The following NCOR1 variants were observed in gnomAD, a reference collection of about 807,000 sequenced individuals.
NCOR1 encodes the protein nuclear receptor corepressor 1, also known as protein phosphatase 1, regulatory subunit 109.
Under a neutral mutation model 288.1 loss-of-function variants are expected in NCOR1, and 63 were observed. The ratio of observed to expected loss-of-function variants is 0.22; its 90% CI spans 0.18 to 0.27. The LOEUF is 0.27. Ranked by LOEUF, NCOR1 falls within the 10% of genes least tolerant of loss-of-function variation. The probability of loss-of-function intolerance (pLI) is 1.00; values close to 1 mark genes in which losing one functional copy is unlikely to be tolerated. For missense variants in NCOR1, 2,397 were observed against 3,019.2 expected (o/e 0.79, Z 4.83); for synonymous variants, 1,007 against 1,065.9 (o/e 0.94, Z 1.08).
chr17:16,091,884 T>A lies in NCOR1; in HGVS notation c.2995A>T (p.Ser999Cys). 1 of 1,614,188 alleles carries A rather than the reference T, an allele frequency of 6.2e-7. No individual in the cohort carries two copies. Among genetic ancestry groups the A allele is most frequent in the African/African-American group, 1.3e-5 (1 of 75,056 alleles). ...CTACCTTCCCACTCTCTGTTTGGAC[T>A]CTTGGATGTGCCACATGGACTTGTA... ...SSTSPCGTSK[S>C]PNREWEVLQP... The change falls in exon 22 of 46, where the codon AGT becomes TGT. Residue 999 changes from serine to cysteine, a missense_variant. Coordinates refer to ENST00000268712, the MANE Select transcript of NCOR1 (RefSeq NM_006311.4).
intron 9 of NCOR1, among the ~76,000 whole-genome samples, 187 bp downstream of exon 9, chr17:16,149,264 C>CA (rs2078492094): frequency 6.9e-6 from 1 of 144,264 alleles, no homozygotes; most frequent in South Asian, 2.2e-4. Flanking sequence ...GGTATGGTAT[C>CA]AAAATGTTAC....
At chr17:16,112,915 T>A (rs1378138098) in intron 18 of NCOR1, among the ~76,000 whole-genome samples, 1 of 152,126 alleles carries the variant, frequency 6.6e-6, no homozygotes, top group Non-Finnish European at 1.5e-5. Flanking sequence ...AATTATTATT[T>A]ATTTATTTAT....
In NCOR1 at chr17:16,172,453, T is replaced by A. The variant is rs188133336; in HGVS notation, c.243-458A>T. Among the ~76,000 whole-genome samples the A allele has an allele frequency of 2.0e-4, 30 of 152,218 alleles. 1 individual carries two copies. Among genetic ancestry groups the A allele is most frequent in the African/African-American group, 7.0e-4 (29 of 41,532 alleles). On this transcript the variant is annotated intron_variant, in intron 3 of 45. Transcript: ENST00000268712. ...CAGAAAGTTTAGTTGCTGAAGAATATCTATAAACTAATATTTTTAAATGTT... is the reference window on the plus strand; with the variant it reads ...CAGAAAGTTTAGTTGCTGAAGAATAACTATAAACTAATATTTTTAAATGTT...
In NCOR1 at chr17:16,040,434, A is replaced by G. The variant is rs780267828; in HGVS notation, c.6733+7T>C. 2.5e-6 allele frequency: 4 copies of G among 1,613,026 alleles called. No homozygotes were observed. Among genetic ancestry groups the G allele is most frequent in the East Asian group, 2.2e-5 (1 of 44,866 alleles). On this transcript the variant is annotated splice_region_variant and intron_variant, in intron 43 of 45. Transcript: ENST00000268712. Reference sequence around the variant, plus strand: ...TGTATTGGTAAATAATGTCTTTTCAATCTTACCTGACGTAGTAACTGCTGG... The same window carrying G: ...TGTATTGGTAAATAATGTCTTTTCAGTCTTACCTGACGTAGTAACTGCTGG...
chr17:16,058,222 C>T, intron 38 of NCOR1, 158 bp from the exon 39 acceptor site: 1 of 932,404 alleles, frequency 1.1e-6, no homozygotes, highest in Non-Finnish European at 1.5e-6. Context: ...AAATTATTCA[C>T]TGAAGAAGTC....
At chr17:16,189,474 A>G (rs763280543) in intron 2 of NCOR1, among the ~76,000 whole-genome samples, 2 of 152,210 alleles carry the variant, frequency 1.3e-5, no homozygotes, top group Non-Finnish European at 2.9e-5. Context: ...TTGAACACAC[A>G]GAAGTGAAAA....
intron 40 of NCOR1, among the ~76,000 whole-genome samples, chr17:16,051,386 A>C (rs2059292111): frequency 6.6e-6 from 1 of 152,208 alleles, no homozygotes; most frequent in Non-Finnish European, 1.5e-5. Flanking sequence ...ATAGAAATTC[A>C]ATAACCTGCT....
At chr17:16,170,616 C>G (rs1305417828) in intron 4 of NCOR1, among the ~76,000 whole-genome samples, 5 of 151,868 alleles carry the variant, frequency 3.3e-5, no homozygotes, top group African/African-American at 1.2e-4. Context: ...GGGCAGATCA[C>G]GAGGTCAGGA....
chr17:16,065,235 A>C (rs3815038), intron 33 of NCOR1, among the ~76,000 whole-genome samples: 65,418 of 152,082 alleles, frequency 0.43, 15,702 homozygotes, highest in Middle Eastern at 0.56. Flanking sequence ...GGGCAGATTA[A>C]AGAGAGCAAA....
intron 1 of NCOR1, among the ~76,000 whole-genome samples, chr17:16,207,241 C>T (rs1406985390): frequency 2.6e-5 from 4 of 152,136 alleles, no homozygotes; most frequent in Non-Finnish European, 2.9e-5. Flanking sequence ...CTACTTAAAA[C>T]AAACATTTTC....
chr17:16,060,173 T>C lies in NCOR1; in HGVS notation c.5881+1228A>G, dbSNP rs548911555. ...AACTGAAAACCACACTGAAGAACTG[T>C]ACATAGCCTTTGGACATCATGGAAT... On this transcript the variant is annotated intron_variant, in intron 37 of 45. Coordinates refer to ENST00000268712, the MANE Select transcript of NCOR1 (RefSeq NM_006311.4). Among the ~76,000 whole-genome samples the C allele has an allele frequency of 6.6e-5, 10 of 152,298 alleles. No homozygotes were observed. In the South Asian group the frequency reaches 1.4e-3, roughly 22 times the overall value.
intron 18 of NCOR1, among the ~76,000 whole-genome samples, chr17:16,113,221 T>C (rs972656893): frequency 6.6e-6 from 1 of 151,854 alleles, no homozygotes; most frequent in Non-Finnish European, 1.5e-5. Flanking sequence ...GGCCAAGAAT[T>C]TATTTTTTTA....
At chr17:16,049,250 G>A (rs557086908) in intron 40 of NCOR1, 5 of 244,078 alleles carry the variant, frequency 2.0e-5, no homozygotes, top group Non-Finnish European at 2.3e-5. Flanking sequence ...AGTGCTGCCC[G>A]GGCAGCAGCA....
At chr17:16,175,375 A>G (rs908830408) in intron 3 of NCOR1, among the ~76,000 whole-genome samples, 1 of 144,816 alleles carries the variant, frequency 6.9e-6, no homozygotes, top group East Asian at 2.0e-4. Context: ...TTTGTCTTTT[A>G]AAAAAAAAAA....
chr17:16,142,581 T>C (rs1179188478), intron 11 of NCOR1, among the ~76,000 whole-genome samples: 2 of 152,188 alleles, frequency 1.3e-5, no homozygotes, highest in Non-Finnish European at 2.9e-5. Context: ...TATTTATTAA[T>C]ATCCAATTAA....
intron 21 of NCOR1, among the ~76,000 whole-genome samples, chr17:16,096,054 T>G (rs1374880803): frequency 6.6e-6 from 1 of 152,166 alleles, no homozygotes. Context: ...CTGAAACATG[T>G]GCTGTGTCCA....
chr17:16,120,926 T>G (rs756508590), intron 16 of NCOR1, 126 bp downstream of exon 16: 17 of 866,320 alleles, frequency 2.0e-5, no homozygotes, highest in Non-Finnish European at 2.6e-5. Context: ...TTTAAAAAAT[T>G]TAAAGACCAC....
At chr17:16,169,263 C>CAAA (rs1412377811) in intron 4 of NCOR1, among the ~76,000 whole-genome samples, 1 of 148,688 alleles carries the variant, frequency 6.7e-6, no homozygotes, top group Non-Finnish European at 1.5e-5. Context: ...CAAGGAGCAG[C>CAAA]AAAAAAACAA....
rs12936874 is a variant in NCOR1, at chr17:16,168,445, C to G, written c.436-3284G>C. Among the ~76,000 whole-genome samples the G allele has an allele frequency of 2.0e-5, 3 of 152,018 alleles. No individual in the cohort carries two copies. In the South Asian group the frequency reaches 6.2e-4, roughly 32 times the overall value. On this transcript the variant is annotated intron_variant, in intron 4 of 45. Transcript: ENST00000268712. ...CGAACTCCTGACCTCTGGTGATCCG[C>G]CCGCCTCGGCCTCCCAAAGTGCTGG...
Sources: allele counts gnomAD v4.1 joint callset (sites outside exome capture counted in the v4.1 genomes callset), GRCh38; gene constraint gnomAD v4.1.1; transcripts MANE v1.5; gene names NCBI Gene and HGNC (gene_info 2026-07-23, HGNC 2026-07-21).